LDLRAD4: variants seen among roughly 807,000 people sequenced by gnomAD.
LDLRAD4 encodes low-density lipoprotein receptor class A domain-containing protein 4.
Under a neutral mutation model 17.0 loss-of-function variants are expected in LDLRAD4, and 5 were observed. The ratio of observed to expected loss-of-function variants is 0.29; its 90% confidence interval spans 0.15 to 0.62. The LOEUF (loss-of-function observed/expected upper bound fraction) is 0.62. Among genes scored for constraint, LDLRAD4 ranks in the 20% least tolerant of loss-of-function variants. LDLRAD4 has a pLI of 0.84. For synonymous variants in LDLRAD4, 168 were observed against 171.8 expected, an observed-to-expected ratio of 0.98 and a Z score of 0.17; for missense variants, 340 against 424.7, an observed-to-expected ratio of 0.80 and a Z score of 1.75.
intron 1 of LDLRAD4, among the ~76,000 whole-genome samples, chr18:13,330,567 T>C (rs542949406): frequency 1.3e-5 from 2 of 152,340 alleles, no homozygotes; most frequent in South Asian, 4.1e-4. Context: ...TAGGATCTGA[T>C]TATTTGTAGC....
chr18:13,498,175 C>T lies in LDLRAD4; in HGVS notation c.181+59791C>T, dbSNP rs372298560. On this transcript the variant is annotated intron_variant, in intron 3 of 5. Coordinates refer to ENST00000359446, the Ensembl canonical transcript of LDLRAD4. ...CGCCACACACGTCCCTCTGTGGACA[C>T]TGGAGAATCCTTCTCCACACACACG... Among the ~76,000 whole-genome samples the T allele has an allele frequency of 5.5e-3, 825 of 151,332 alleles. 20 individuals carry two copies. Among genetic ancestry groups the T allele is most frequent in the African/African-American group, 0.019 (792 of 40,706 alleles).
intron 3 of LDLRAD4, among the ~76,000 whole-genome samples, chr18:13,546,365 T>TC (rs889074190): frequency 1.2e-5 from 1 of 81,876 alleles, no homozygotes; most frequent in Non-Finnish European, 2.3e-5. Flanking sequence ...TGGCCTCCCC[T>TC]CCCCCCTCCC....
At chr18:13,403,523 A>G (rs2087420904) in intron 2 of LDLRAD4, among the ~76,000 whole-genome samples, 1 of 152,210 alleles carries the variant, frequency 6.6e-6, no homozygotes. Context: ...CTGCATTGTG[A>G]AACCCACAAC....
Position 13,300,899 on chromosome 18 carries a change from G to A in LDLRAD4, c.-383+22711G>A, listed in dbSNP as rs1044648994. ...CTGGGAGCCGGCAGCGCGTCCCAGC[G>A]CTGAACCCGTGGCACCTGGCTGCTT... On this transcript the variant is annotated intron_variant, in intron 1 of 5. Coordinates refer to ENST00000359446, the Ensembl canonical transcript of LDLRAD4. This position sits in a 1 kb window ranked among gnomAD's most constrained non-coding sequence, Gnocchi z 4.2. Among the ~76,000 whole-genome samples, 1 of 152,240 alleles carries A rather than the reference G, an allele frequency of 6.6e-6. No individual in the cohort carries two copies.
intron 2 of LDLRAD4, among the ~76,000 whole-genome samples, chr18:13,394,905 T>A (rs999865731): frequency 6.6e-6 from 1 of 152,226 alleles, no homozygotes; most frequent in Non-Finnish European, 1.5e-5. Context: ...AGAAAGCAGG[T>A]GACTGCTTCC....
chr18:13,624,268 G>T (rs921021354), intron 4 of LDLRAD4, among the ~76,000 whole-genome samples: 5 of 152,210 alleles, frequency 3.3e-5, no homozygotes, highest in Non-Finnish European at 7.3e-5. Context: ...CTCTAGGCTG[G>T]CTCTGAGGCA....
At chr18:13,280,313 T>G (rs919602737) in intron 1 of LDLRAD4, among the ~76,000 whole-genome samples, 3 of 152,258 alleles carry the variant, frequency 2.0e-5, no homozygotes, top group Non-Finnish European at 2.9e-5. Flanking sequence ...TAACCCTCTA[T>G]GAGTCTCAGC....
chr18:13,378,944 C>T lies in LDLRAD4; in HGVS notation c.-382-8397C>T, dbSNP rs1362568256. ...GGTGGGCTGAGCCGTGTTAGAGACG[C>T]GATTTCATCGGCCATCTGCTGAGGC... On this transcript the variant is annotated intron_variant, in intron 1 of 5. Coordinates refer to ENST00000359446, the Ensembl canonical transcript of LDLRAD4. Among the ~76,000 whole-genome samples, 15 of 152,180 alleles carry T rather than the reference C, an allele frequency of 9.9e-5. No individual in the cohort carries two copies. The East Asian group carries it at 1.7e-3, about 18-fold the overall frequency.
chr18:13,436,854 T>C (rs2090694455), intron 2 of LDLRAD4, among the ~76,000 whole-genome samples: 1 of 152,262 alleles, frequency 6.6e-6, no homozygotes, highest in African/African-American at 2.4e-5. Context: ...TCACATGTTA[T>C]TCTAAACTAG....
At chr18:13,421,662 G>A (rs1362671548) in intron 2 of LDLRAD4, among the ~76,000 whole-genome samples, 3 of 152,162 alleles carry the variant, frequency 2.0e-5, no homozygotes, top group Admixed American at 1.3e-4. Flanking sequence ...GCCTCCCAGC[G>A]TTTTGTAGAC....
chr18:13,519,580 G>A (rs1227932421), intron 3 of LDLRAD4, among the ~76,000 whole-genome samples: 2 of 152,134 alleles, frequency 1.3e-5, no homozygotes, highest in Non-Finnish European at 2.9e-5. Context: ...GGGCAACATG[G>A]TGAAACCCCG....
intron 3 of LDLRAD4, chr18:13,614,918 C>G (rs1288759298): frequency 6.6e-6 from 1 of 152,194 alleles, no homozygotes; most frequent in Non-Finnish European, 1.5e-5. Flanking sequence ...GAAGGAAATG[C>G]GACAAGTTCA....
At chr18:13,511,095 C>T (rs191813879) in intron 3 of LDLRAD4, among the ~76,000 whole-genome samples, 2 of 152,266 alleles carry the variant, frequency 1.3e-5, no homozygotes, top group East Asian at 3.9e-4. Context: ...TCATGGAACT[C>T]ATGTCCTCAC....
chr18:13,419,176 G>GT (rs2089216759), intron 2 of LDLRAD4, among the ~76,000 whole-genome samples: 1 of 152,204 alleles, frequency 6.6e-6, no homozygotes, highest in Non-Finnish European at 1.5e-5. Flanking sequence ...TGGCATCTAT[G>GT]CAGTTGGGGA....
chr18:13,287,599 C>T (rs1159728952), intron 1 of LDLRAD4, among the ~76,000 whole-genome samples: 3 of 152,188 alleles, frequency 2.0e-5, no homozygotes, highest in Admixed American at 6.5e-5. Context: ...CTTCTGTAAC[C>T]TTCTCCACTG....
chr18:13,449,893 C>G (rs1224155902), intron 3 of LDLRAD4, among the ~76,000 whole-genome samples: 3 of 152,106 alleles, frequency 2.0e-5, no homozygotes, highest in Non-Finnish European at 4.4e-5. Flanking sequence ...CCCAACCGCT[C>G]TCTCTGTCAT....
chr18:13,461,810 A>G (rs2092442374), intron 3 of LDLRAD4, among the ~76,000 whole-genome samples: 1 of 152,232 alleles, frequency 6.6e-6, no homozygotes, highest in South Asian at 2.1e-4. Flanking sequence ...AAGTGAAGTT[A>G]CAAAGTTATA....
intron 2 of LDLRAD4, among the ~76,000 whole-genome samples, chr18:13,411,293 T>C (rs1012531592): frequency 4.0e-5 from 6 of 151,050 alleles, no homozygotes; most frequent in Non-Finnish European, 7.4e-5. Context: ...CTCTATAGAG[T>C]CCTAAGAGCA....
intron 3 of LDLRAD4, among the ~76,000 whole-genome samples, chr18:13,575,301 C>T (rs1027983865): frequency 1.3e-4 from 20 of 152,338 alleles, no homozygotes; most frequent in African/African-American, 4.6e-4. Flanking sequence ...GCTTAGCTCC[C>T]ACTTGTGAGT....
Sources: allele counts gnomAD v4.1 joint callset (sites outside exome capture counted in the v4.1 genomes callset), GRCh38; gene constraint gnomAD v4.1.1; non-coding constraint Gnocchi (gnomAD v3.1); transcripts MANE v1.5; gene names NCBI Gene and HGNC (gene_info 2026-07-23, HGNC 2026-07-21).